CPA6: variants seen among roughly 807,000 people sequenced by gnomAD.
CPA6 encodes the protein carboxypeptidase A6.
Under a neutral mutation model 63.3 loss-of-function variants are expected in CPA6, and 58 were observed. The observed-to-expected ratio is 0.92, with a 90% CI of 0.74 to 1.14. CPA6 has a LOEUF of 1.14. Ranked by LOEUF, CPA6 falls within the 50% of genes most tolerant of loss-of-function variation. The pLI, the probability that CPA6 is intolerant of heterozygous loss-of-function variation, is 0.00. For missense variants in CPA6, 565 were observed against 526.6 expected, an observed-to-expected ratio of 1.07 and a Z score of -0.71; for synonymous variants, 185 against 179.0, an observed-to-expected ratio of 1.03 and a Z score of -0.27.
intron 2 of CPA6, among the ~76,000 whole-genome samples, chr8:67,569,211 T>A (rs1473646898): frequency 1.3e-5 from 2 of 151,358 alleles, no homozygotes; most frequent in African/African-American, 4.9e-5. Flanking sequence ...AAAGACAGAG[T>A]TCTGAGAGCA....
At chr8:67,586,641 A>C (rs900060860) in intron 2 of CPA6, among the ~76,000 whole-genome samples, 1 of 152,174 alleles carries the variant, frequency 6.6e-6, no homozygotes, top group Non-Finnish European at 1.5e-5. Context: ...GTGGCTGTAA[A>C]TGTTATGATT....
At chr8:67,447,880 G>T (rs1166673114) in intron 8 of CPA6, among the ~76,000 whole-genome samples, 1 of 152,130 alleles carries the variant, frequency 6.6e-6, no homozygotes, top group Non-Finnish European at 1.5e-5. Context: ...TACCTCCCAG[G>T]TTCAAGCAAT....
intron 2 of CPA6, among the ~76,000 whole-genome samples, chr8:67,564,615 TA>T (rs1483139840): frequency 6.6e-6 from 1 of 152,170 alleles, no homozygotes; most frequent in Non-Finnish European, 1.5e-5. Context: ...GTCATACCAG[TA>T]AAATTATACT....
intron 2 of CPA6, among the ~76,000 whole-genome samples, chr8:67,528,314 G>A (rs1306960035): frequency 6.6e-6 from 1 of 152,168 alleles, no homozygotes; most frequent in African/African-American, 2.4e-5. Flanking sequence ...GGGAGTGAGA[G>A]GCTCCATTCA....
In CPA6 at chr8:67,495,019, A is replaced by AT. The variant is rs1811680146; in HGVS notation, c.637-10231dup. On this transcript the variant is annotated intron_variant, in intron 6 of 10. Transcript: ENST00000297770. ...GAGTTGGATAACAGCAGAGTTTTTG[A>AT]TTTTCCCTCCCCATTATCCAGTATC... is the stretch of plus-strand genomic sequence containing the variant. 4.6e-5 allele frequency among the ~76,000 whole-genome samples: 7 copies of AT among 152,160 alleles called. No homozygotes were observed. In the South Asian group the frequency reaches 1.5e-3, roughly 32 times the overall value.
chr8:67,635,628 A>G (rs908278266), intron 1 of CPA6, among the ~76,000 whole-genome samples: 4 of 151,588 alleles, frequency 2.6e-5, no homozygotes, highest in Admixed American at 1.3e-4. Context: ...TTAGCTGGGC[A>G]TGGTGGTGCA....
rs552933257 is a variant in CPA6 at position 67,604,493 on chromosome 8, T to C, written c.192+19683A>G. On this transcript the variant is annotated intron_variant, in intron 2 of 10. Coordinates refer to ENST00000297770, the MANE Select transcript of CPA6 (RefSeq NM_020361.5). ...TGCGTCCCTTACCTTTTTCCCTGCT[T>C]TACGTTTCCCTACAACCATGACCAT... is the stretch of plus-strand genomic sequence containing the variant. Among the ~76,000 whole-genome samples, 4 of 152,310 alleles carry C rather than the reference T, an allele frequency of 2.6e-5. No homozygotes were observed. The East Asian group carries it at 7.7e-4, about 29-fold the overall frequency.
chr8:67,727,845 G>A (rs903113219), intron 1 of CPA6, among the ~76,000 whole-genome samples: 2 of 152,120 alleles, frequency 1.3e-5, no homozygotes, highest in South Asian at 2.1e-4. Context: ...TTGGGAGGCT[G>A]AGGCAGGTGG....
chr8:67,584,594 A>T (rs1813874942), intron 2 of CPA6, among the ~76,000 whole-genome samples: 1 of 152,154 alleles, frequency 6.6e-6, no homozygotes, highest in Non-Finnish European at 1.5e-5. Context: ...AAGGGTTTGG[A>T]TTGATAAATT....
chr8:67,745,849 A>T (rs1306582710), intron 1 of CPA6, among the ~76,000 whole-genome samples, 165 bp downstream of exon 1: 1 of 152,190 alleles, frequency 6.6e-6, no homozygotes, highest in Non-Finnish European at 1.5e-5. Flanking sequence ...CAGTGAGCTA[A>T]AGCCAAGAGC....
chr8:67,687,298 C>G (rs1587702430), intron 1 of CPA6, among the ~76,000 whole-genome samples: 1 of 152,118 alleles, frequency 6.6e-6, no homozygotes, highest in Admixed American at 6.5e-5. Flanking sequence ...CCTTGAGATA[C>G]CTTGTTGCAG....
At chr8:67,744,981 T>C (rs989243289) in intron 1 of CPA6, among the ~76,000 whole-genome samples, 1 of 152,206 alleles carries the variant, frequency 6.6e-6, no homozygotes, top group Non-Finnish European at 1.5e-5. Flanking sequence ...CAAGATTCTT[T>C]GGGAGAGAAA....
intron 2 of CPA6, among the ~76,000 whole-genome samples, chr8:67,597,388 G>T (rs1482468170): frequency 2.0e-5 from 3 of 151,884 alleles, no homozygotes; most frequent in Non-Finnish European, 4.4e-5. Flanking sequence ...TAGAGATGGG[G>T]TTTCACCATG....
intron 2 of CPA6, among the ~76,000 whole-genome samples, chr8:67,528,018 G>T (rs1273121452): frequency 1.3e-5 from 2 of 152,092 alleles, no homozygotes; most frequent in African/African-American, 2.4e-5. Flanking sequence ...TCACAGCTTT[G>T]GTAACTCCCC....
intron 2 of CPA6, among the ~76,000 whole-genome samples, chr8:67,607,198 CT>C (rs1587627411): frequency 2.8e-5 from 2 of 72,598 alleles, no homozygotes; most frequent in African/African-American, 1.1e-4. Flanking sequence ...TCTTCTTCTT[CT>C]TCTTCTTCTT....
chr8:67,679,607 C>T (rs1816549739), intron 1 of CPA6, among the ~76,000 whole-genome samples: 1 of 152,190 alleles, frequency 6.6e-6, no homozygotes, highest in Admixed American at 6.5e-5. Context: ...TATTTGACTA[C>T]ATAAAGTAGT....
intron 1 of CPA6, among the ~76,000 whole-genome samples, chr8:67,634,910 A>T (rs562789214): frequency 5.3e-5 from 8 of 151,200 alleles, no homozygotes; most frequent in Non-Finnish European, 8.8e-5. Context: ...TTTTTTTAGA[A>T]ATGGTCTCAC....
intron 1 of CPA6, among the ~76,000 whole-genome samples, chr8:67,721,977 G>A (rs1817509975): frequency 6.6e-6 from 1 of 152,118 alleles, no homozygotes; most frequent in Non-Finnish European, 1.5e-5. Flanking sequence ...GTTCAAACTG[G>A]GTTCAAATAA....
intron 8 of CPA6, among the ~76,000 whole-genome samples, chr8:67,460,210 G>T (rs1810769676): frequency 6.6e-6 from 1 of 152,184 alleles, no homozygotes; most frequent in Admixed American, 6.5e-5. Flanking sequence ...TACTGGCCCA[G>T]CATTGTGCTT....
Sources: gnomAD v4.1 joint callset for allele counts (sites outside exome capture counted in the v4.1 genomes callset) on GRCh38, gnomAD v4.1.1 for gene constraint, MANE v1.5 for transcripts, NCBI Gene and HGNC (gene_info 2026-07-23, HGNC 2026-07-21) for gene names.